The following CCNT1 variants were observed in gnomAD, a reference collection of about 807,000 sequenced individuals.
CCNT1 encodes cyclin-T1.
A neutral mutation model predicts 67.3 loss-of-function variants in CCNT1; 18 were observed. The observed-to-expected ratio is 0.27, with a 90% CI of 0.18 to 0.40. The LOEUF (loss-of-function observed/expected upper bound fraction) is 0.40, where lower values mean the gene tolerates loss of function less well. CCNT1 is among the 10% of genes least tolerant of loss of function. The pLI is 1.00. For missense variants in CCNT1, 744 were observed against 884.9 expected, an observed-to-expected ratio of 0.84 and a Z score of 2.02; for synonymous variants, 333 against 310.3, an observed-to-expected ratio of 1.07 and a Z score of -0.77.
chr12:48,716,372 C>T, intron 1 of CCNT1, 143 bp downstream of exon 1: 1 of 723,380 alleles, frequency 1.4e-6, no homozygotes, highest in Non-Finnish European at 2.2e-6. Flanking sequence ...TTTCAGCCCG[C>T]CCCATCGTGG....
At chr12:48,702,967 A>T (rs1039334446) in intron 3 of CCNT1, among the ~76,000 whole-genome samples, 8 of 152,052 alleles carry the variant, frequency 5.3e-5, no homozygotes, top group African/African-American at 1.9e-4. Context: ...ACAAAAAAAT[A>T]AAAATTAACT....
At chr12:48,706,012 A>G in intron 2 of CCNT1, 116 bp from the exon 3 acceptor site, 2 of 948,614 alleles carry the variant, frequency 2.1e-6, no homozygotes, top group Non-Finnish European at 3.0e-6. Context: ...CAACTTTGTC[A>G]CCTCTTTACC....
At chr12:48,701,797 G>A (rs2137232736) in intron 3 of CCNT1, among the ~76,000 whole-genome samples, 1 of 151,926 alleles carries the variant, frequency 6.6e-6, no homozygotes, top group Middle Eastern at 3.4e-3. Flanking sequence ...GTAGAGACGA[G>A]GTTTCTCCAT....
chr12:48,709,417 C>T (rs1940414177), intron 2 of CCNT1, among the ~76,000 whole-genome samples: 1 of 152,156 alleles, frequency 6.6e-6, no homozygotes, highest in South Asian at 2.1e-4. Flanking sequence ...ACTCTGGGCA[C>T]AGCAATTCCA....
In CCNT1 at chr12:48,696,120, C is replaced by T. The variant is rs544894335; in HGVS notation, c.585G>A (p.Val195=). 1.2e-6 allele frequency: 2 copies of T among 1,613,512 alleles called. No homozygotes were observed. Among genetic ancestry groups the T allele is most frequent in the Non-Finnish European group, 1.7e-6 (2 of 1,179,840 alleles). ...TTFSLQYTPP[V]VACVCIHLAC... ...CCAGGTGAATGCAGACACAGGCCAC[C>T]ACAGGAGGTGTGTACTGCAGGCTAA... Residue 195 remains valine (V), a synonymous_variant, in exon 7 of 9, where the codon GTG becomes GTA. Coordinates refer to ENST00000261900, the MANE Select transcript of CCNT1 (RefSeq NM_001240.4).
chr12:48,698,213 G>A (rs772981763), intron 5 of CCNT1, 30 bp from the exon 6 acceptor site: 2 of 1,473,670 alleles, frequency 1.4e-6, no homozygotes, highest in Admixed American at 2.2e-5. Flanking sequence ...GTCAGGGGTG[G>A]GGGAGGAAAA....
rs374831967 is a variant in CCNT1 at position 48,693,115 on chromosome 12, G to A, written c.2099C>T (p.Ser700Leu). The A allele has an allele frequency of 1.1e-5, 17 of 1,613,960 alleles. No individual in the cohort carries two copies. The highest frequency in any genetic ancestry group is 1.3e-5 in the African/African-American group (1 of 74,898). ...GGGTTTGTCTGTATTGCCAGATCTCGAGGAGATTCCACCAGACCGAGGATT... is the reference window on the plus strand; with the variant it reads ...GGGTTTGTCTGTATTGCCAGATCTCAAGGAGATTCCACCAGACCGAGGATT... ...YLNPRSGGIS[S>L]RSGNTDKPRP... The change falls in exon 9 of 9, where the codon TCG (serine) becomes TTG (leucine). Residue 700 changes from serine to leucine, a missense_variant. This residue lies in a region of CCNT1 where 564 missense variants were observed against 574.2 expected (regional missense o/e 0.98). Coordinates refer to ENST00000261900, the MANE Select transcript of CCNT1 (RefSeq NM_001240.4).
At chr12:48,703,926 C>CAAA (rs57899892) in intron 3 of CCNT1, among the ~76,000 whole-genome samples, 1 of 98,768 alleles carries the variant, frequency 1.0e-5, no homozygotes, top group Non-Finnish European at 2.2e-5. Flanking sequence ...ACCCTGTCTC[C>CAAA]AAAAAAAAAA....
At chr12:48,701,794 C>T (rs1172795736) in intron 3 of CCNT1, among the ~76,000 whole-genome samples, 6 of 151,288 alleles carry the variant, frequency 4.0e-5, no homozygotes, top group Non-Finnish European at 8.8e-5. Context: ...TTAGTAGAGA[C>T]GAGGTTTCTC....
rs757269550 is a variant in CCNT1 at position 48,693,766 on chromosome 12, C to A, written c.1448G>T (p.Arg483Leu). The A allele has an allele frequency of 6.8e-6, 11 of 1,614,102 alleles. No homozygotes were observed. The highest frequency in any genetic ancestry group is 8.5e-6 in the Non-Finnish European group (10 of 1,180,028). The change falls in exon 9 of 9, where the codon CGC becomes CTC. Residue 483 changes from arginine (R) to leucine (L), a missense_variant. Arg to Leu is a moderately radical substitution (Grantham distance 102). Transcript: ENST00000261900. ...ASSKPEEIKM[R>L]IKVHAAADKH... ...ATCAGCTGCAGCATGGACTTTTATG[C>A]GCATTTTTATCTCCTCTGGTTTTGA...
At position 48,694,171 on chromosome 12, in the gene CCNT1, C is replaced by T. The variant is rs1398081444; in HGVS notation, c.1043G>A (p.Gly348Asp). 2 of 1,614,082 alleles carry T rather than the reference C, an allele frequency of 1.2e-6. No homozygotes were observed. Among genetic ancestry groups the T allele is most frequent in the African/African-American group, 1.3e-5 (1 of 74,926 alleles). ...TGCTAAATTCTCACTAGTCCGATGACCCTGAGTAGGTTCTAGTTTGAAAGA... is the reference window on the plus strand; with the variant it reads ...TGCTAAATTCTCACTAGTCCGATGATCCTGAGTAGGTTCTAGTTTGAAAGA... ...QPSFKLEPTQ[G>D]HRTSENLALT... Residue 348 changes from glycine to aspartate, a missense_variant, in exon 9 of 9, where the codon GGT becomes GAT. Around this residue, in one of 3 missense-constraint regions of CCNT1, gnomAD observed 564 missense variants for 574.2 expected, o/e 0.98. Coordinates refer to ENST00000261900, the MANE Select transcript of CCNT1 (RefSeq NM_001240.4).
In CCNT1 at chr12:48,688,809, A is replaced by AC. The variant is rs1471413215; in HGVS notation, c.*4223dup. The AC allele has an allele frequency of 1.5e-5, 2 of 136,316 alleles. No individual in the cohort carries two copies. The highest frequency in any genetic ancestry group is 3.2e-5 in the Non-Finnish European group (2 of 63,400). The allele number at this position is 136,316 out of a possible 1,614,324, so 8.4% of individuals were successfully genotyped here. A position where few individuals can be genotyped will look rare whatever the true frequency, so the allele number is the denominator to read the frequency against. On this transcript the variant is annotated 3_prime_UTR_variant, in exon 9 of 9. Transcript: ENST00000261900. ...GAGTGACAGATTGGTAAAGTGTTTT[A>AC]CTTTTTTTTTTCTTTTCGCTCTTTG...
chr12:48,716,255 C>G (rs1940530621), intron 1 of CCNT1, among the ~76,000 whole-genome samples: 1 of 152,226 alleles, frequency 6.6e-6, no homozygotes, highest in African/African-American at 2.4e-5. Flanking sequence ...GTTGGAAGGG[C>G]TGGTTAAAAC....
intron 2 of CCNT1, 38 bp from the exon 3 acceptor site, chr12:48,705,934 T>G (rs753089631): frequency 2.5e-6 from 4 of 1,587,658 alleles, no homozygotes; most frequent in Middle Eastern, 1.7e-4. Flanking sequence ...TATTATCAAT[T>G]TATTCATTCA....
intron 2 of CCNT1, among the ~76,000 whole-genome samples, chr12:48,708,640 C>T (rs1011137092): frequency 6.6e-6 from 1 of 151,906 alleles, no homozygotes; most frequent in Non-Finnish European, 1.5e-5. Flanking sequence ...TAGGGCTGCA[C>T]TAAATATATG....
chr12:48,708,939 A>G (rs1407911579), intron 2 of CCNT1, among the ~76,000 whole-genome samples: 3 of 152,112 alleles, frequency 2.0e-5, no homozygotes, highest in African/African-American at 7.2e-5. Flanking sequence ...AAAAATCAAA[A>G]GGAAAATTCA....
chr12:48,696,463 A>G (rs1592118665), intron 6 of CCNT1, among the ~76,000 whole-genome samples: 2 of 151,732 alleles, frequency 1.3e-5, no homozygotes, highest in South Asian at 2.1e-4. Flanking sequence ...CTGGGAATTC[A>G]AGTTCTTTAA....
intron 5 of CCNT1, among the ~76,000 whole-genome samples, chr12:48,698,489 A>G (rs1940215799): frequency 6.6e-6 from 1 of 152,186 alleles, no homozygotes; most frequent in South Asian, 2.1e-4. Flanking sequence ...CCTAAAATTT[A>G]ATTAAATGTT....
chr12:48,706,755 A>C (rs1940366812), intron 2 of CCNT1, among the ~76,000 whole-genome samples: 1 of 152,228 alleles, frequency 6.6e-6, no homozygotes, highest in Non-Finnish European at 1.5e-5. Flanking sequence ...ATTTAAATAT[A>C]TATTTCATTT....
Sources: gnomAD v4.1 joint callset for allele counts (sites outside exome capture counted in the v4.1 genomes callset) on GRCh38, gnomAD v4.1.1 for gene constraint, gnomAD v4.1.1 regional missense constraint, MANE v1.5 for transcripts, NCBI Gene and HGNC (gene_info 2026-07-23, HGNC 2026-07-21) for gene names.